NLGN1: variants seen among roughly 807,000 people sequenced by gnomAD.
The protein encoded by NLGN1 is neuroligin-1.
A neutral mutation model predicts 65.5 loss-of-function variants in NLGN1; 12 were observed. The observed-to-expected ratio is 0.18, with a 90% CI of 0.12 to 0.30. The LOEUF is 0.30. Among genes scored for constraint, NLGN1 ranks in the 10% least tolerant of loss-of-function variants. NLGN1 has a pLI of 1.00. For missense variants in NLGN1, 750 were observed against 1,007.1 expected (o/e 0.74, Z 3.46); for synonymous variants, 350 against 359.5 (o/e 0.97, Z 0.30).
At chr3:174,273,426 G>A (rs1342867311) in intron 4 of NLGN1, among the ~76,000 whole-genome samples, 2 of 151,606 alleles carry the variant, frequency 1.3e-5, no homozygotes, top group Admixed American at 6.6e-5. Context: ...ACATTTGTAA[G>A]AGAATCTTTC....
chr3:174,124,121 G>A (rs557222764), intron 4 of NLGN1, among the ~76,000 whole-genome samples: 8 of 152,182 alleles, frequency 5.3e-5, no homozygotes, highest in Middle Eastern at 3.4e-3. Context: ...CTACAAGCCA[G>A]AAAGAGAGAC....
At chr3:173,959,738 T>A (rs1713073163) in intron 4 of NLGN1, among the ~76,000 whole-genome samples, 1 of 152,220 alleles carries the variant, frequency 6.6e-6, no homozygotes, top group African/African-American at 2.4e-5. Context: ...ATTTATTTTT[T>A]AAATGTTTTG....
intron 2 of NLGN1, among the ~76,000 whole-genome samples, chr3:173,520,180 A>G (rs114950300): frequency 0.03 from 4,624 of 152,252 alleles, 69 homozygotes; most frequent in Middle Eastern, 0.048. Flanking sequence ...AGGAGCTGCT[A>G]TGCTTCCTAT....
At chr3:173,736,988 C>G (rs1773876343) in intron 3 of NLGN1, among the ~76,000 whole-genome samples, 1 of 151,720 alleles carries the variant, frequency 6.6e-6, no homozygotes, top group Admixed American at 6.6e-5. Context: ...TTCATTTTAC[C>G]TACTCTAAAA....
intron 4 of NLGN1, among the ~76,000 whole-genome samples, chr3:174,138,326 ATGT>A (rs1440297962): frequency 1.3e-5 from 2 of 152,176 alleles, no homozygotes; most frequent in East Asian, 1.9e-4. Flanking sequence ...ATTTTCAATA[ATGT>A]TGTTTTTACC....
chr3:174,121,973 C>T (rs916546204), intron 4 of NLGN1, among the ~76,000 whole-genome samples: 5 of 152,258 alleles, frequency 3.3e-5, no homozygotes, highest in South Asian at 2.1e-4. Context: ...CTCTAATTTA[C>T]ACCCACGCTC....
intron 3 of NLGN1, among the ~76,000 whole-genome samples, chr3:173,788,724 G>A (rs1317178287): frequency 6.6e-6 from 1 of 151,494 alleles, no homozygotes; most frequent in East Asian, 1.9e-4. Context: ...GAGAGGCTGA[G>A]GCAGGAGGAT....
At chr3:173,800,389 G>T in intron 3 of NLGN1, 2 of 841,230 alleles carry the variant, frequency 2.4e-6, no homozygotes, top group East Asian at 7.9e-5. Context: ...CATGACAAGG[G>T]CCTCAATCAC....
At chr3:174,134,323 T>C (rs1421416) in intron 4 of NLGN1, among the ~76,000 whole-genome samples, 4,111 of 152,244 alleles carry the variant, frequency 0.027, 60 homozygotes, top group Admixed American at 0.048. Flanking sequence ...AGGGTGAAAC[T>C]GAGAGAGAAA....
At chr3:174,134,752 G>A (rs1237685610) in intron 4 of NLGN1, among the ~76,000 whole-genome samples, 1 of 152,154 alleles carries the variant, frequency 6.6e-6, no homozygotes, top group East Asian at 1.9e-4. Flanking sequence ...CACCAGGAAA[G>A]TAAGGACTGG....
intron 4 of NLGN1, among the ~76,000 whole-genome samples, chr3:174,205,546 G>A (rs1488008697): frequency 6.6e-6 from 1 of 152,056 alleles, no homozygotes; most frequent in Non-Finnish European, 1.5e-5. Context: ...CAGTGATTTT[G>A]CTGTCATAGT....
intron 3 of NLGN1, among the ~76,000 whole-genome samples, chr3:173,792,413 A>G (rs948904496): frequency 6.6e-6 from 1 of 152,168 alleles, no homozygotes; most frequent in Non-Finnish European, 1.5e-5. Flanking sequence ...TCCTGAAGAC[A>G]GCATTTTGGG....
chr3:173,422,156 C>T (rs1221594352), intron 1 of NLGN1, among the ~76,000 whole-genome samples: 1 of 151,960 alleles, frequency 6.6e-6, no homozygotes, highest in Non-Finnish European at 1.5e-5. Context: ...TACACACACA[C>T]ACACACATAC....
chr3:174,153,663 T>A (rs530968339), intron 4 of NLGN1, among the ~76,000 whole-genome samples: 91 of 152,156 alleles, frequency 6.0e-4, no homozygotes, highest in Middle Eastern at 6.8e-3. Flanking sequence ...ATAGTATAAC[T>A]TTTTTTCAAA....
intron 2 of NLGN1, among the ~76,000 whole-genome samples, chr3:173,581,526 G>A (rs2149363668): frequency 1.3e-5 from 2 of 152,048 alleles, no homozygotes; most frequent in Middle Eastern, 6.8e-3. Flanking sequence ...GAAAATACAA[G>A]AAAGAGCTAG....
At chr3:174,021,571 G>A (rs1727756609) in intron 4 of NLGN1, among the ~76,000 whole-genome samples, 1 of 152,016 alleles carries the variant, frequency 6.6e-6, no homozygotes, top group African/African-American at 2.4e-5. Context: ...CAATAATCTT[G>A]GAAGTAGTGT....
chr3:174,106,286 A>G (rs1038315176), intron 4 of NLGN1, among the ~76,000 whole-genome samples: 3 of 152,106 alleles, frequency 2.0e-5, no homozygotes, highest in African/African-American at 7.2e-5. Context: ...TGGTATATAT[A>G]TAATAGTTTC....
intron 2 of NLGN1, among the ~76,000 whole-genome samples, chr3:173,580,990 G>C (rs950194433): frequency 6.6e-6 from 1 of 151,916 alleles, no homozygotes; most frequent in Non-Finnish European, 1.5e-5. Flanking sequence ...AAGAATGTCA[G>C]CCTCTCCAAA....
At chr3:173,864,643 A>G (rs548104550) in intron 4 of NLGN1, among the ~76,000 whole-genome samples, 2 of 152,330 alleles carry the variant, frequency 1.3e-5, no homozygotes, top group South Asian at 2.1e-4. Flanking sequence ...TTTTGGAACC[A>G]TGCCATGAAA....
Sources: gnomAD v4.1 joint callset for allele counts (sites outside exome capture counted in the v4.1 genomes callset) on GRCh38, gnomAD v4.1.1 for gene constraint, MANE v1.5 for transcripts, NCBI Gene and HGNC (gene_info 2026-07-23, HGNC 2026-07-21) for gene names.